The following LRBA variants were observed in gnomAD, a reference collection of about 807,000 sequenced individuals.
LRBA encodes lipopolysaccharide-responsive and beige-like anchor protein.
In LRBA, 176 loss-of-function variants were observed where a neutral mutation model predicts 330.0. The ratio of observed to expected loss-of-function variants is 0.53; its 90% CI spans 0.47 to 0.60. The LOEUF (loss-of-function observed/expected upper bound fraction) is 0.60. LRBA is among the 20% of genes least tolerant of loss of function. The pLI is 0.00. For missense variants in LRBA, 3,259 were observed against 3,444.8 expected (o/e 0.95, Z 1.35); for synonymous variants, 1,230 against 1,193.0 (o/e 1.03, Z -0.64).
intron 47 of LRBA, among the ~76,000 whole-genome samples, chr4:150,401,357 G>A (rs552716128): frequency 6.6e-6 from 1 of 152,284 alleles, no homozygotes; most frequent in Non-Finnish European, 1.5e-5. Context: ...GTGACTTTAA[G>A]TAAAATGACA....
chr4:150,456,423 A>C (rs1172898832), intron 44 of LRBA, among the ~76,000 whole-genome samples: 2 of 152,108 alleles, frequency 1.3e-5, no homozygotes, highest in African/African-American at 2.4e-5. Flanking sequence ...CTGATGATCA[A>C]TGATGTTGAG....
chr4:150,810,757 A>T (rs547076856), intron 31 of LRBA, among the ~76,000 whole-genome samples: 41 of 152,160 alleles, frequency 2.7e-4, no homozygotes, highest in African/African-American at 9.9e-4. Context: ...GGATGCCACC[A>T]CACCTGGCTA....
intron 44 of LRBA, among the ~76,000 whole-genome samples, chr4:150,459,264 T>C (rs1393446460): frequency 1.3e-5 from 2 of 151,912 alleles, no homozygotes; most frequent in Admixed American, 6.6e-5. Context: ...CTCCTTCTGG[T>C]GTGCTTGGTG....
At position 150,585,363 on chromosome 4, in the gene LRBA, C is replaced by A. The variant is rs72736318; in HGVS notation, c.6330+2685G>T. ...AATTTCAAGAATTATTCTGAAACTG[C>A]TTATATGCAATTCAAACAAAAAAGG... On this transcript the variant is annotated intron_variant, in intron 40 of 56. Coordinates refer to ENST00000651943, the MANE Select transcript of LRBA (RefSeq NM_001364905.1). 1.6e-3 allele frequency among the ~76,000 whole-genome samples: 242 copies of A among 152,200 alleles called. 1 individual carries two copies. Among genetic ancestry groups the A allele is most frequent in the Admixed American group, 3.6e-3 (55 of 15,286 alleles).
At chr4:150,609,961 T>C (rs1373378582) in intron 37 of LRBA, among the ~76,000 whole-genome samples, 1 of 152,170 alleles carries the variant, frequency 6.6e-6, no homozygotes, top group Non-Finnish European at 1.5e-5. Flanking sequence ...TCTTTCTTTG[T>C]GGCAAAATCC....
chr4:150,825,990 AC>A (rs1390366594), intron 30 of LRBA, among the ~76,000 whole-genome samples: 8 of 152,182 alleles, frequency 5.3e-5, no homozygotes, highest in African/African-American at 9.6e-5. Context: ...AAACAAAAAA[AC>A]AAAACAAAAA....
At chr4:150,886,865 A>G (rs1181122092) in intron 17 of LRBA, among the ~76,000 whole-genome samples, 1 of 152,236 alleles carries the variant, frequency 6.6e-6, no homozygotes, top group African/African-American at 2.4e-5. Flanking sequence ...ATAGGAAAAC[A>G]CAAACAACAG....
chr4:150,755,736 T>C lies in LRBA; in HGVS notation c.5645+6047A>G, dbSNP rs570592681. ...AATGAGGAGAAACTAATAGAAACAT[T>C]AATAAAACTAGGAACAAGAATGAAA... On this transcript the variant is annotated intron_variant, in intron 35 of 56. Coordinates refer to ENST00000651943, the MANE Select transcript of LRBA (RefSeq NM_001364905.1). Among the ~76,000 whole-genome samples the C allele has an allele frequency of 5.7e-4, 86 of 151,694 alleles. 1 individual carries two copies. Among genetic ancestry groups the C allele is most frequent in the African/African-American group, 1.9e-3 (80 of 41,400 alleles).
At chr4:150,531,282 A>T (rs1354253805) in intron 40 of LRBA, among the ~76,000 whole-genome samples, 2 of 151,996 alleles carry the variant, frequency 1.3e-5, no homozygotes, top group Admixed American at 6.6e-5. Context: ...ATTTTTTGCA[A>T]CTCAATCCCA....
intron 37 of LRBA, among the ~76,000 whole-genome samples, chr4:150,609,494 T>C (rs978625983): frequency 1.3e-5 from 2 of 152,206 alleles, no homozygotes; most frequent in Admixed American, 6.5e-5. Context: ...CCAAAGCCTA[T>C]ACATATCTGT....
At chr4:150,505,170 T>A (rs910773377) in intron 40 of LRBA, among the ~76,000 whole-genome samples, 4 of 152,104 alleles carry the variant, frequency 2.6e-5, no homozygotes, top group Non-Finnish European at 4.4e-5. Context: ...GACAGATCAA[T>A]GAGACAGAAA....
chr4:150,638,993 C>T, intron 37 of LRBA, among the ~76,000 whole-genome samples: 1 of 86,628 alleles, frequency 1.2e-5, no homozygotes, highest in Non-Finnish European at 2.2e-5. Context: ...GAAAATGTGG[C>T]ACATATACAC....
chr4:150,503,170 T>A (rs1472099792), intron 40 of LRBA, among the ~76,000 whole-genome samples: 1 of 152,222 alleles, frequency 6.6e-6, no homozygotes, highest in Non-Finnish European at 1.5e-5. Context: ...CTCTGCAGAC[T>A]TAAATGTCCC....
intron 37 of LRBA, among the ~76,000 whole-genome samples, chr4:150,613,896 G>C (rs1025651784): frequency 6.6e-6 from 1 of 152,130 alleles, no homozygotes; most frequent in Non-Finnish European, 1.5e-5. Flanking sequence ...GAGAGGAAGG[G>C]AAAACTCTGA....
intron 47 of LRBA, among the ~76,000 whole-genome samples, chr4:150,397,404 A>G (rs1561118218): frequency 6.6e-6 from 1 of 152,060 alleles, no homozygotes; most frequent in Non-Finnish European, 1.5e-5. Flanking sequence ...CAGGCTCCCA[A>G]GTAGCTGGGA....
intron 2 of LRBA, among the ~76,000 whole-genome samples, chr4:150,993,388 T>C (rs916191145): frequency 7.9e-5 from 12 of 152,074 alleles, no homozygotes; most frequent in African/African-American, 2.7e-4. Flanking sequence ...ATGTAATAGG[T>C]TCCAAATTTG....
intron 40 of LRBA, among the ~76,000 whole-genome samples, chr4:150,571,846 C>A (rs1037831234): frequency 6.6e-6 from 1 of 150,868 alleles, no homozygotes; most frequent in Non-Finnish European, 1.5e-5. Context: ...ATTTACTTTT[C>A]TGTTTTATTT....
At chr4:150,370,665 T>TAG (rs1218959685) in intron 47 of LRBA, among the ~76,000 whole-genome samples, 5 of 152,162 alleles carry the variant, frequency 3.3e-5, no homozygotes, top group Non-Finnish European at 7.4e-5. Flanking sequence ...CCAAAGACTT[T>TAG]AGTTAATAAT....
At chr4:150,998,228 CTG>C (rs1423661617) in intron 2 of LRBA, among the ~76,000 whole-genome samples, 3 of 151,516 alleles carry the variant, frequency 2.0e-5, no homozygotes, top group African/African-American at 7.3e-5. Flanking sequence ...TGGTGCATGA[CTG>C]TAATCCCAGC....
Sources: gnomAD v4.1 joint callset for allele counts (sites outside exome capture counted in the v4.1 genomes callset) on GRCh38, gnomAD v4.1.1 for gene constraint, MANE v1.5 for transcripts, NCBI Gene and HGNC (gene_info 2026-07-23, HGNC 2026-07-21) for gene names.